ARHGEF4: variants seen among roughly 807,000 people sequenced by gnomAD.
ARHGEF4 encodes APC-stimulated guanine nucleotide exchange factor 1.
ARHGEF4 carries 119 observed loss-of-function variants against 162.0 expected under a neutral mutation model. The ratio of observed to expected loss-of-function variants is 0.73; its 90% confidence interval spans 0.63 to 0.86. The LOEUF (loss-of-function observed/expected upper bound fraction) is 0.86, where lower values mean the gene tolerates loss of function less well. Ranked by LOEUF, ARHGEF4 falls within the 40% of genes least tolerant of loss-of-function variation. The pLI is 0.00. For missense variants in ARHGEF4, 2,488 were observed against 2,456.0 expected, an observed-to-expected ratio of 1.01 and a Z score of -0.28; for synonymous variants, 1,014 against 979.9, an observed-to-expected ratio of 1.03 and a Z score of -0.65.
chr2:130,935,657 C>T (rs904157104), intron 3 of ARHGEF4, among the ~76,000 whole-genome samples: 5 of 152,204 alleles, frequency 3.3e-5, no homozygotes, highest in African/African-American at 4.8e-5. Context: ...TTCTTTGACT[C>T]ACTGGCTGTT....
At position 131,041,325 on chromosome 2, in the gene ARHGEF4, C is replaced by T; in HGVS notation, c.4758C>T (p.Tyr1586=). ...TCACCAAGCTCAGCAAGTACGTGTA[C>T]TTCTTCGAGGCCTGCCGGCTGCTGC... The part of the protein sequence containing the change: ...SRLTKLSKYV[Y]FFEACRLLQK... The change falls in exon 9 of 14, where the codon TAC becomes TAT. Residue 1586 remains tyrosine, a synonymous_variant. Transcript: ENST00000409359. The T allele has an allele frequency of 6.2e-7, 1 of 1,613,820 alleles. No homozygotes were observed.
intron 4 of ARHGEF4, among the ~76,000 whole-genome samples, chr2:130,949,678 C>G (rs1407273269): frequency 6.6e-6 from 1 of 152,066 alleles, no homozygotes; most frequent in Non-Finnish European, 1.5e-5. Flanking sequence ...TGGGGTCTCG[C>G]TCTGTCGCCC....
intron 13 of ARHGEF4, 114 bp from the exon 14 acceptor site, chr2:131,045,924 C>T (rs890712217): frequency 1.3e-5 from 20 of 1,498,242 alleles, no homozygotes; most frequent in South Asian, 5.4e-5. Context: ...GCAAAACTGC[C>T]TCCTACGGCG....
At chr2:130,864,135 G>A (rs904283285) in intron 1 of ARHGEF4, among the ~76,000 whole-genome samples, 7 of 151,548 alleles carry the variant, frequency 4.6e-5, no homozygotes, top group African/African-American at 7.3e-5. Context: ...GCAGTGAGCC[G>A]AGATTGCACC....
intron 3 of ARHGEF4, among the ~76,000 whole-genome samples, chr2:130,933,171 CA>C (rs1332905903): frequency 8.6e-5 from 13 of 151,106 alleles, no homozygotes; most frequent in Admixed American, 7.9e-4. Context: ...GCCAAGACTG[CA>C]CCACTGCACT....
At position 130,931,069 on chromosome 2, in the gene ARHGEF4, G is replaced by A. The variant is rs756233817; in HGVS notation, c.3670G>A (p.Ala1224Thr). 6 of 1,614,184 alleles carry A rather than the reference G, an allele frequency of 3.7e-6. No homozygotes were observed. Among genetic ancestry groups the A allele is most frequent in the Non-Finnish European group, 5.1e-6 (6 of 1,180,030 alleles). ...CTTCACCACTGACATGGTGACATGG[G>A]CCCTCCTCTGCATCTCTGCAGAGAC... is the stretch of plus-strand genomic sequence containing the variant. ...PCFTTDMVTW[A>T]LLCISAETVR... is the part of the protein sequence containing the mutation. Residue 1224 changes from alanine to threonine, a missense_variant, in exon 3 of 14, where the codon GCC becomes ACC. Around this residue, in one of 6 missense-constraint regions of ARHGEF4, gnomAD observed 1,642 missense variants for 1,481.5 expected, o/e 1.11. Transcript: ENST00000409359.
intron 4 of ARHGEF4, among the ~76,000 whole-genome samples, chr2:131,006,806 G>T (rs1186969080): frequency 2.6e-5 from 4 of 152,206 alleles, no homozygotes; most frequent in African/African-American, 7.2e-5. Flanking sequence ...AAGAGAGGCT[G>T]AAAGACCAAG....
intron 4 of ARHGEF4, among the ~76,000 whole-genome samples, chr2:130,977,680 G>T (rs371728433): frequency 6.6e-6 from 1 of 151,776 alleles, no homozygotes; most frequent in Non-Finnish European, 1.5e-5. Flanking sequence ...GTGTGTGTGC[G>T]CTGTGTGCAT....
chr2:130,936,898 C>T (rs201308288), intron 3 of ARHGEF4, among the ~76,000 whole-genome samples: 34 of 104,674 alleles, frequency 3.2e-4, no homozygotes, highest in African/African-American at 5.9e-4. Flanking sequence ...TTTTTTTTTT[C>T]TTTTTTCTTT....
intron 1 of ARHGEF4, among the ~76,000 whole-genome samples, chr2:130,847,050 T>C (rs1681031292): frequency 6.6e-6 from 1 of 152,112 alleles, no homozygotes; most frequent in Non-Finnish European, 1.5e-5. Context: ...CTGGGTGTAA[T>C]TCTGATGTGC....
At chr2:130,977,488 A>G (rs997610971) in intron 4 of ARHGEF4, among the ~76,000 whole-genome samples, 26 of 150,870 alleles carry the variant, frequency 1.7e-4, no homozygotes. Flanking sequence ...CTTTGTGTGT[A>G]TAGTGGTTTT....
At chr2:130,986,618 G>A (rs1054337369) in intron 4 of ARHGEF4, among the ~76,000 whole-genome samples, 10 of 152,086 alleles carry the variant, frequency 6.6e-5, no homozygotes, top group African/African-American at 2.4e-4. Flanking sequence ...GGCCATGAGG[G>A]GCAGCCAGGG....
chr2:130,958,308 C>A (rs1403313790), intron 4 of ARHGEF4, among the ~76,000 whole-genome samples: 1 of 151,992 alleles, frequency 6.6e-6, no homozygotes, highest in Non-Finnish European at 1.5e-5. Context: ...GGGGAATGAT[C>A]TTGGTTAAAA....
At position 130,917,236 on chromosome 2, in the gene ARHGEF4, C is replaced by T. The variant is rs1681556947; in HGVS notation, c.3290C>T (p.Pro1097Leu). Reference sequence around the variant, plus strand: ...CCCACGAGCCCCAAGCCCCTGAGTCCCAGGCCTAGTGCTCAGCGGATGGGT... The same window carrying T: ...CCCACGAGCCCCAAGCCCCTGAGTCTCAGGCCTAGTGCTCAGCGGATGGGT... ...CRPTSPKPLSPRPSAQRMGLH... is the reference protein window; with the variant it reads ...CRPTSPKPLSLRPSAQRMGLH... The change falls in exon 2 of 14, where the codon CCC (proline) becomes CTC (leucine). Residue 1097 changes from proline (P) to leucine (L), a missense_variant. By Grantham distance (98) the Pro-to-Leu change is moderately conservative (BLOSUM62 -3). Around this residue, in one of 6 missense-constraint regions of ARHGEF4, gnomAD observed 1,642 missense variants for 1,481.5 expected, o/e 1.11. Transcript: ENST00000409359. 2 of 1,550,390 alleles carry T rather than the reference C, an allele frequency of 1.3e-6. No homozygotes were observed. Among genetic ancestry groups the T allele is most frequent in the South Asian group, 1.2e-5 (1 of 84,064 alleles).
At chr2:130,998,814 C>T (rs756508089) in intron 4 of ARHGEF4, among the ~76,000 whole-genome samples, 10 of 152,170 alleles carry the variant, frequency 6.6e-5, no homozygotes, top group African/African-American at 1.4e-4. Flanking sequence ...GTTTTCGACT[C>T]GTTTGGGTAA....
chr2:130,870,464 G>A (rs560946226), intron 1 of ARHGEF4, among the ~76,000 whole-genome samples: 247 of 152,336 alleles, frequency 1.6e-3, no homozygotes, highest in Middle Eastern at 3.4e-3. Context: ...AGGAGAGGGG[G>A]CAGGAAGGGG....
intron 1 of ARHGEF4, among the ~76,000 whole-genome samples, chr2:130,872,825 G>C (rs1240472409): frequency 1.3e-5 from 2 of 152,208 alleles, no homozygotes; most frequent in Non-Finnish European, 2.9e-5. Context: ...GGGCCTTGGT[G>C]CACTTTGGGG....
chr2:130,981,257 T>C (rs1686097268), intron 4 of ARHGEF4, among the ~76,000 whole-genome samples: 1 of 152,106 alleles, frequency 6.6e-6, no homozygotes, highest in Non-Finnish European at 1.5e-5. Flanking sequence ...TAGAAATGCA[T>C]AGGAAACAAA....
intron 1 of ARHGEF4, among the ~76,000 whole-genome samples, chr2:130,852,246 A>G (rs973408053): frequency 1.3e-5 from 2 of 152,084 alleles, no homozygotes; most frequent in African/African-American, 4.8e-5. Flanking sequence ...CGACAGCGTC[A>G]CCTGTGCAGT....
Sources: allele counts gnomAD v4.1 joint callset (sites outside exome capture counted in the v4.1 genomes callset), GRCh38; gene constraint gnomAD v4.1.1; regional missense constraint gnomAD v4.1.1; transcripts MANE v1.5; gene names NCBI Gene and HGNC (gene_info 2026-07-23, HGNC 2026-07-21).